Variants in PTDSS1 observed in about 807,000 individuals in gnomAD.
PTDSS1 encodes phosphatidylserine synthase 1, also known as PSS-1.
A neutral mutation model predicts 70.5 loss-of-function variants in PTDSS1; 45 were observed. The observed-to-expected ratio is 0.64, with a 90% CI of 0.50 to 0.82. PTDSS1 has a LOEUF of 0.82. Among genes scored for constraint, PTDSS1 ranks in the 40% least tolerant of loss-of-function variants. The probability of loss-of-function intolerance (pLI) is 0.00; values close to 1 mark genes in which losing one functional copy is unlikely to be tolerated. For synonymous variants in PTDSS1, 188 were observed against 203.8 expected (o/e 0.92, Z 0.66); for missense variants, 417 against 586.1 (o/e 0.71, Z 2.98).
At chr8:96,317,608 G>A (rs1396012498) in intron 9 of PTDSS1, among the ~76,000 whole-genome samples, 2 of 152,080 alleles carry the variant, frequency 1.3e-5, no homozygotes, top group Non-Finnish European at 2.9e-5. Context: ...AGTGCCGTGA[G>A]CCTGTAGTCC....
chr8:96,318,150 C>A (rs1051725353), intron 9 of PTDSS1, among the ~76,000 whole-genome samples: 1 of 151,948 alleles, frequency 6.6e-6, no homozygotes, highest in Non-Finnish European at 1.5e-5. Flanking sequence ...CATGGTGAAA[C>A]CCCGCCTCTA....
intron 2 of PTDSS1, among the ~76,000 whole-genome samples, chr8:96,279,645 C>T (rs567927343): frequency 6.2e-4 from 94 of 152,042 alleles, no homozygotes; most frequent in African/African-American, 2.0e-3. Flanking sequence ...ATGGTGAAAC[C>T]TTGTCTCTAC....
intron 9 of PTDSS1, among the ~76,000 whole-genome samples, chr8:96,312,005 T>C (rs538840542): frequency 6.6e-6 from 1 of 152,384 alleles, no homozygotes; most frequent in African/African-American, 2.4e-5. Context: ...AGCAAGGTCC[T>C]ATTATTCTGC....
chr8:96,334,108 ATACTGGGGGAAGGG>A lies in PTDSS1; in HGVS notation c.*544_*557del, dbSNP rs1811561498. 5 of 327,114 alleles carry A rather than the reference ATACTGGGGGAAGGG, an allele frequency of 1.5e-5. No homozygotes were observed. The East Asian group carries it at 2.7e-4, about 18-fold the overall frequency. The allele number at this position is 327,114 out of a possible 1,614,324, so 20.3% of individuals were successfully genotyped here. ...CCTTTAGAAGCCGCTGCTGAAATTG[ATACTGGGGGAAGGG>A]TTCCCCTTCCTTCTAGAGCAGAAAA... is the stretch of plus-strand genomic sequence containing the variant. On this transcript the variant is annotated 3_prime_UTR_variant, in exon 13 of 13. Coordinates refer to ENST00000517309, the MANE Select transcript of PTDSS1 (RefSeq NM_014754.3).
At chr8:96,283,275 C>T (rs140434229) in intron 2 of PTDSS1, among the ~76,000 whole-genome samples, 292 of 152,298 alleles carry the variant, frequency 1.9e-3, no homozygotes, top group African/African-American at 6.8e-3. Flanking sequence ...GTTGGAAATT[C>T]CGCAAGTGTA....
At chr8:96,307,757 A>G (rs968123403) in intron 8 of PTDSS1, among the ~76,000 whole-genome samples, 47 of 152,246 alleles carry the variant, frequency 3.1e-4, no homozygotes, top group African/African-American at 1.1e-3. Context: ...TCATAAAATT[A>G]AGAGCAATCA....
chr8:96,315,491 G>A (rs1811275478), intron 9 of PTDSS1, among the ~76,000 whole-genome samples: 1 of 152,196 alleles, frequency 6.6e-6, no homozygotes, highest in East Asian at 1.9e-4. Flanking sequence ...CGAGCCTAGA[G>A]CTTTCATGCC....
intron 10 of PTDSS1, among the ~76,000 whole-genome samples, chr8:96,322,988 G>T (rs2130165651): frequency 6.6e-6 from 1 of 152,340 alleles, no homozygotes; most frequent in East Asian, 1.9e-4. Flanking sequence ...ACAGGCATAG[G>T]ATAGACATTG....
intron 5 of PTDSS1, 87 bp from the exon 6 acceptor site, chr8:96,299,607 A>T: frequency 1.5e-6 from 2 of 1,326,404 alleles, no homozygotes; most frequent in Non-Finnish European, 2.1e-6. Context: ...CTTCTAAAAT[A>T]ATGTATTGTT....
At chr8:96,293,034 T>C (rs111618311) in intron 4 of PTDSS1, among the ~76,000 whole-genome samples, 32 of 152,166 alleles carry the variant, frequency 2.1e-4, no homozygotes, top group African/African-American at 7.0e-4. Context: ...TCCTTCTACA[T>C]TGGGACGGGC....
At chr8:96,324,553 C>T (rs143507416) in intron 10 of PTDSS1, among the ~76,000 whole-genome samples, 2,951 of 152,290 alleles carry the variant, frequency 0.019, 39 homozygotes, top group Middle Eastern at 0.044. Flanking sequence ...GAGGTCATCC[C>T]ATGGTGGAAG....
rs757044005 is a variant in PTDSS1, at chr8:96,333,686, A to G, written c.*120A>G. 35 of 902,404 alleles carry G rather than the reference A, an allele frequency of 3.9e-5. No individual in the cohort carries two copies. Among genetic ancestry groups the G allele is most frequent in the Middle Eastern group, 4.2e-4 (2 of 4,740 alleles). The allele number at this position is 902,404 out of a possible 1,614,324, so 55.9% of individuals were successfully genotyped here. On this transcript the variant is annotated 3_prime_UTR_variant, in exon 13 of 13. Transcript: ENST00000517309. ...AGGGCAAGCAGGAAGAGGCGAGGGC[A>G]CTTGGGGGTCATTATTTGAGATCGT...
At chr8:96,300,997 A>T (rs748212824) in intron 6 of PTDSS1, among the ~76,000 whole-genome samples, 17 of 152,228 alleles carry the variant, frequency 1.1e-4, no homozygotes, top group Non-Finnish European at 1.8e-4. Flanking sequence ...TTTATCACAC[A>T]TAAAATTGTG....
chr8:96,322,112 C>T (rs1376061606), intron 10 of PTDSS1, among the ~76,000 whole-genome samples: 1 of 152,120 alleles, frequency 6.6e-6, no homozygotes, highest in Non-Finnish European at 1.5e-5. Flanking sequence ...ACTCCCAGGA[C>T]AAGACAGACA....
chr8:96,286,263 G>A (rs115363322), intron 3 of PTDSS1, among the ~76,000 whole-genome samples: 2 of 152,136 alleles, frequency 1.3e-5, no homozygotes, highest in Non-Finnish European at 2.9e-5. Flanking sequence ...AAAACCCCTC[G>A]TGATCGTTTC....
intron 6 of PTDSS1, among the ~76,000 whole-genome samples, chr8:96,300,905 A>G (rs1205598400): frequency 6.6e-6 from 1 of 152,094 alleles, no homozygotes; most frequent in Non-Finnish European, 1.5e-5. Flanking sequence ...AATAGAGTGT[A>G]CCAATTTGTA....
intron 1 of PTDSS1, among the ~76,000 whole-genome samples, chr8:96,268,437 T>C (rs1474368533): frequency 2.0e-5 from 3 of 151,992 alleles, no homozygotes; most frequent in South Asian, 4.2e-4. Flanking sequence ...CCTAGAAGCC[T>C]TAGGAATCAT....
At chr8:96,312,659 G>T (rs1473649224) in intron 9 of PTDSS1, among the ~76,000 whole-genome samples, 1 of 152,112 alleles carries the variant, frequency 6.6e-6, no homozygotes, top group East Asian at 1.9e-4. Flanking sequence ...GAAGACTCTT[G>T]TGAGAACCAG....
rs575649350 is a variant in PTDSS1 at position 96,330,232 on chromosome 8, G to C, written c.1193G>C (p.Cys398Ser). 1.2e-6 allele frequency: 2 copies of C among 1,613,214 alleles called. No individual in the cohort carries two copies. The highest frequency in any genetic ancestry group is 2.2e-5 in the East Asian group (1 of 44,880). Residue 398 changes from cysteine (C) to serine (S), a missense_variant, in exon 11 of 13, where the codon TGT becomes TCT. Around this residue, in one of 3 missense-constraint regions of PTDSS1, gnomAD observed 107 missense variants for 122.3 expected, o/e 0.88. Transcript: ENST00000517309. ...LLCVAFTTFL[C>S]LYGMIWYAEH... ...TTCCAGGCTTTCACCACTTTCCTCT[G>C]TCTGTACGGCATGATTTGGTATGCA...
Sources: allele counts gnomAD v4.1 joint callset (sites outside exome capture counted in the v4.1 genomes callset), GRCh38; gene constraint gnomAD v4.1.1; regional missense constraint gnomAD v4.1.1; transcripts MANE v1.5; gene names NCBI Gene and HGNC (gene_info 2026-07-23, HGNC 2026-07-21).